CLSTN2: variants seen among roughly 807,000 people sequenced by gnomAD.
The protein encoded by CLSTN2 is calsyntenin-2.
In CLSTN2, 48 loss-of-function variants were observed where a neutral mutation model predicts 101.2. The ratio of observed to expected loss-of-function variants is 0.47; its 90% CI spans 0.38 to 0.60. The LOEUF (loss-of-function observed/expected upper bound fraction) is 0.60, where lower values mean the gene tolerates loss of function less well. CLSTN2 is among the 20% of genes least tolerant of loss of function. The pLI is 0.00. For synonymous variants in CLSTN2, 481 were observed against 463.6 expected (o/e 1.04, Z -0.48); for missense variants, 1,160 against 1,238.2 (o/e 0.94, Z 0.95).
chr3:140,540,414 G>C (rs926865003), intron 9 of CLSTN2, among the ~76,000 whole-genome samples: 1 of 152,206 alleles, frequency 6.6e-6, no homozygotes, highest in Non-Finnish European at 1.5e-5. Flanking sequence ...TGTGGACCGA[G>C]TTTTAAAGCT....
intron 5 of CLSTN2, among the ~76,000 whole-genome samples, chr3:140,426,663 G>A (rs750942188): frequency 6.6e-6 from 1 of 152,148 alleles, no homozygotes; most frequent in Admixed American, 6.5e-5. Context: ...GAGTAGTTAG[G>A]ATGGGAAGGA....
At chr3:140,556,819 G>A (rs1372498322) in intron 11 of CLSTN2, 158 bp downstream of exon 11, 4 of 657,870 alleles carry the variant, frequency 6.1e-6, no homozygotes, top group Non-Finnish European at 1.0e-5. Context: ...AAGGATCTGT[G>A]TTCTTGTTTT....
At chr3:140,429,499 C>T (rs2088606031) in intron 5 of CLSTN2, among the ~76,000 whole-genome samples, 1 of 152,036 alleles carries the variant, frequency 6.6e-6, no homozygotes, top group East Asian at 1.9e-4. Context: ...CACAATGTGG[C>T]TGGATCAGAG....
intron 2 of CLSTN2, among the ~76,000 whole-genome samples, chr3:140,263,746 G>C (rs1439162349): frequency 6.6e-6 from 1 of 151,876 alleles, no homozygotes; most frequent in Non-Finnish European, 1.5e-5. Flanking sequence ...TATAAAATTG[G>C]GTCCTTATTA....
chr3:140,526,643 C>CAACAAAA (rs57982149), intron 8 of CLSTN2, among the ~76,000 whole-genome samples: 1 of 131,974 alleles, frequency 7.6e-6, no homozygotes, highest in East Asian at 2.1e-4. Flanking sequence ...ACAACAACAA[C>CAACAAAA]AAAAAAAAAA....
At chr3:140,158,334 T>C (rs1248721608) in intron 1 of CLSTN2, among the ~76,000 whole-genome samples, 1 of 152,162 alleles carries the variant, frequency 6.6e-6, no homozygotes, top group Non-Finnish European at 1.5e-5. Flanking sequence ...CTCCTAGAAC[T>C]GATAAATGAC....
intron 5 of CLSTN2, among the ~76,000 whole-genome samples, chr3:140,429,100 T>TGC: frequency 6.6e-6 from 1 of 152,182 alleles, no homozygotes; most frequent in South Asian, 2.1e-4. Flanking sequence ...CAGCATTAGA[T>TGC]TAGCAGCAAC....
At chr3:140,025,261 C>T (rs896304599) in intron 1 of CLSTN2, among the ~76,000 whole-genome samples, 1 of 152,170 alleles carries the variant, frequency 6.6e-6, no homozygotes, top group Non-Finnish European at 1.5e-5. Context: ...CTGACCCCAA[C>T]TAAAGATGTG....
intron 2 of CLSTN2, among the ~76,000 whole-genome samples, chr3:140,224,991 C>T (rs1576473653): frequency 6.6e-6 from 1 of 152,244 alleles, no homozygotes; most frequent in South Asian, 2.1e-4. Flanking sequence ...CCCTGCTCCA[C>T]CAGCAAGTGC....
At chr3:140,145,026 G>A (rs764642610) in intron 1 of CLSTN2, among the ~76,000 whole-genome samples, 22 of 152,204 alleles carry the variant, frequency 1.4e-4, no homozygotes, top group Non-Finnish European at 8.8e-5. Context: ...CTCATTGGTA[G>A]TTTTACCACC....
intron 2 of CLSTN2, among the ~76,000 whole-genome samples, chr3:140,272,411 AAG>A (rs2086751015): frequency 6.6e-6 from 1 of 152,228 alleles, no homozygotes; most frequent in South Asian, 2.1e-4. Flanking sequence ...TTATATAGGA[AAG>A]AGTGTGCCTA....
At chr3:140,240,211 C>T (rs36189255) in intron 2 of CLSTN2, among the ~76,000 whole-genome samples, 41 of 19,226 alleles carry the variant, frequency 2.1e-3, no homozygotes, top group African/African-American at 2.7e-3. Context: ...CACACACACA[C>T]ACACACACAC....
chr3:140,303,654 C>T lies in CLSTN2; in HGVS notation c.233-99975C>T, dbSNP rs137855561. On this transcript the variant is annotated intron_variant, in intron 2 of 16. Transcript: ENST00000458420. ...AGATTATGGTGGCTTCTAGAGATGT[C>T]TGTAAAATGTTCCAGAACAAATCTG... is the stretch of plus-strand genomic sequence containing the variant. Among the ~76,000 whole-genome samples, 47 of 152,122 alleles carry T rather than the reference C, an allele frequency of 3.1e-4. No individual in the cohort carries two copies. In the East Asian group the frequency reaches 8.3e-3, roughly 27 times the overall value.
At position 140,340,712 on chromosome 3, in the gene CLSTN2, T is replaced by TCATTCAG. The variant is rs571667389; in HGVS notation, c.233-62916_233-62910dup. Among the ~76,000 whole-genome samples the TCATTCAG allele has an allele frequency of 1.8e-4, 28 of 152,338 alleles. No individual in the cohort carries two copies. The South Asian group carries it at 5.8e-3, about 32-fold the overall frequency. Reference sequence around the variant, plus strand: ...GTTATTGATAGCTGTAGTCAGCACCTCATTCAGATTTCCTAACTTTTTACC... The same window carrying TCATTCAG: ...GTTATTGATAGCTGTAGTCAGCACCTCATTCAGCATTCAGATTTCCTAACTTTTTACC... On this transcript the variant is annotated intron_variant, in intron 2 of 16. Transcript: ENST00000458420.
At chr3:140,120,661 A>G (rs1456848249) in intron 1 of CLSTN2, among the ~76,000 whole-genome samples, 1 of 152,174 alleles carries the variant, frequency 6.6e-6, no homozygotes, top group Non-Finnish European at 1.5e-5. Context: ...AAAACATCGT[A>G]CTTTGGAGAT....
intron 2 of CLSTN2, among the ~76,000 whole-genome samples, chr3:140,249,414 T>C (rs982018153): frequency 1.2e-4 from 18 of 152,150 alleles, no homozygotes; most frequent in African/African-American, 4.1e-4. Flanking sequence ...GGCACCATGT[T>C]GCTTTGGGGG....
chr3:140,265,147 G>A (rs1348703963), intron 2 of CLSTN2, among the ~76,000 whole-genome samples: 1 of 152,164 alleles, frequency 6.6e-6, no homozygotes, highest in Non-Finnish European at 1.5e-5. Context: ...AATTCATTTG[G>A]TATGTGGAAG....
chr3:140,480,378 C>G (rs2077038049), intron 8 of CLSTN2, among the ~76,000 whole-genome samples: 1 of 152,150 alleles, frequency 6.6e-6, no homozygotes, highest in Non-Finnish European at 1.5e-5. Context: ...CAAGTCTTTG[C>G]TATTGTGAAT....
At chr3:140,074,391 G>C (rs1164171626) in intron 1 of CLSTN2, among the ~76,000 whole-genome samples, 1 of 152,060 alleles carries the variant, frequency 6.6e-6, no homozygotes, top group Non-Finnish European at 1.5e-5. Context: ...GCAGCATGTC[G>C]ACAACCTGGG....
Sources: gnomAD v4.1 joint callset for allele counts (sites outside exome capture counted in the v4.1 genomes callset) on GRCh38, gnomAD v4.1.1 for gene constraint, MANE v1.5 for transcripts, NCBI Gene and HGNC (gene_info 2026-07-23, HGNC 2026-07-21) for gene names.